The following QTMAN variants were observed in gnomAD, a reference collection of about 807,000 sequenced individuals.
QTMAN encodes the protein queuosine-tRNA mannosyltransferase, also known as tRNA-queuosine alpha-mannosyltransferase.
At chr2:143,962,232 TAGGAAGGAAAG>T in the QTMAN span, among the ~76,000 whole-genome samples, 1 of 151,858 alleles carries the variant, frequency 6.6e-6, no homozygotes, top group Non-Finnish European at 1.5e-5. Context: ...CATGAAACAA[TAGGAAGGAAAG>T]AGAAGAGGAA....
the QTMAN span, among the ~76,000 whole-genome samples, chr2:144,240,373 A>C: frequency 6.6e-6 from 1 of 152,180 alleles, no homozygotes; most frequent in Non-Finnish European, 1.5e-5. Context: ...TACCAACTGA[A>C]TCCTATAAAG....
At chr2:144,075,909 T>C in the QTMAN span, among the ~76,000 whole-genome samples, 1 of 152,224 alleles carries the variant, frequency 6.6e-6, no homozygotes, top group African/African-American at 2.4e-5. Context: ...TTCTTGAACA[T>C]AAATGATAGG....
the QTMAN span, among the ~76,000 whole-genome samples, chr2:144,234,739 G>A: frequency 2.0e-5 from 3 of 152,276 alleles, no homozygotes; most frequent in East Asian, 5.8e-4. Flanking sequence ...TACCACCTGA[G>A]CCTATCTAAT....
the QTMAN span, among the ~76,000 whole-genome samples, chr2:144,110,447 G>A: frequency 3.9e-4 from 60 of 152,138 alleles, no homozygotes; most frequent in Non-Finnish European, 5.1e-4. Context: ...TGTAAATGGC[G>A]AGTTAATAGG....
the QTMAN span, among the ~76,000 whole-genome samples, chr2:143,999,837 C>T: frequency 4.3e-4 from 65 of 152,170 alleles, no homozygotes; most frequent in Admixed American, 7.9e-4. Flanking sequence ...ACAAATCATG[C>T]TTAGTGAACT....
chr2:144,181,051 T>C, the QTMAN span, among the ~76,000 whole-genome samples: 2 of 152,290 alleles, frequency 1.3e-5, no homozygotes, highest in Middle Eastern at 3.4e-3. Context: ...GTATTTAATG[T>C]TTTTGAGACC....
chr2:144,248,314 A>G, the QTMAN span, among the ~76,000 whole-genome samples: 1 of 152,258 alleles, frequency 6.6e-6, no homozygotes, highest in South Asian at 2.1e-4. Context: ...ACAGCTAAGA[A>G]CAAAACAATG....
the QTMAN span, among the ~76,000 whole-genome samples, chr2:144,257,782 A>C: frequency 6.6e-6 from 1 of 152,248 alleles, no homozygotes; most frequent in Non-Finnish European, 1.5e-5. Flanking sequence ...ACAACCAGAA[A>C]TAAATCAGCA....
chr2:144,023,500 A>T, the QTMAN span, among the ~76,000 whole-genome samples: 1 of 152,206 alleles, frequency 6.6e-6, no homozygotes, highest in African/African-American at 2.4e-5. Flanking sequence ...CTTTAAAAAA[A>T]TTTTGCACAT....
chr2:144,114,736 T>C, the QTMAN span, among the ~76,000 whole-genome samples: 1 of 149,700 alleles, frequency 6.7e-6, no homozygotes, highest in African/African-American at 2.4e-5. Flanking sequence ...AGGTTGCACT[T>C]AGATTTCAGC....
At chr2:143,943,191 T>C in the QTMAN span, 2 of 152,202 alleles carry the variant, frequency 1.3e-5, no homozygotes, top group Non-Finnish European at 2.9e-5. Flanking sequence ...GCATGTAGAA[T>C]TGCTCGCATG....
the QTMAN span, among the ~76,000 whole-genome samples, chr2:143,989,352 AT>A: frequency 1.3e-5 from 2 of 152,196 alleles, no homozygotes; most frequent in East Asian, 3.8e-4. Context: ...GCTTTGTTTT[AT>A]TTAACTCCCA....
chr2:144,331,642 T>C, the QTMAN span, among the ~76,000 whole-genome samples: 5 of 152,192 alleles, frequency 3.3e-5, no homozygotes. Context: ...AAAAGTTGTA[T>C]GTGCGAGAGA....
At chr2:144,322,735 A>T in the QTMAN span, among the ~76,000 whole-genome samples, 2 of 152,218 alleles carry the variant, frequency 1.3e-5, no homozygotes, top group African/African-American at 4.8e-5. Flanking sequence ...GGGTTAGTCG[A>T]AATATGGAAT....
chr2:144,144,810 T>C, the QTMAN span, among the ~76,000 whole-genome samples: 1 of 151,964 alleles, frequency 6.6e-6, no homozygotes. Context: ...TCAAACCCAG[T>C]TGCTAATAGC....
At chr2:144,307,399 T>C in the QTMAN span, among the ~76,000 whole-genome samples, 1 of 152,116 alleles carries the variant, frequency 6.6e-6, no homozygotes, top group Non-Finnish European at 1.5e-5. Flanking sequence ...TCCCTGGGAT[T>C]AGAAACAAGG....
the QTMAN span, among the ~76,000 whole-genome samples, chr2:144,310,735 T>C: frequency 6.6e-6 from 1 of 152,332 alleles, no homozygotes; most frequent in Admixed American, 6.5e-5. Flanking sequence ...TCCAACGTTT[T>C]TGGTTTGAGT....
the QTMAN span, among the ~76,000 whole-genome samples, chr2:144,215,268 A>G: frequency 1.3e-5 from 2 of 149,160 alleles, no homozygotes; most frequent in East Asian, 3.9e-4. Flanking sequence ...AAAAATATAT[A>G]TATATACACA....
chr2:144,092,871 GT>G, the QTMAN span, among the ~76,000 whole-genome samples: 4 of 21,164 alleles, frequency 1.9e-4, no homozygotes, highest in South Asian at 2.4e-3. Flanking sequence ...AACTTTTGGG[GT>G]GTGTGTGTGT....
Sources: allele counts gnomAD v4.1 joint callset (sites outside exome capture counted in the v4.1 genomes callset), GRCh38; gene constraint gnomAD v4.1.1; transcripts MANE v1.5; gene names NCBI Gene and HGNC (gene_info 2026-07-23, HGNC 2026-07-21).